FABP12: variants seen among roughly 807,000 people sequenced by gnomAD.
FABP12 encodes the protein fatty acid-binding protein 12.
In FABP12, 19 loss-of-function variants were observed where a neutral mutation model predicts 13.7. The observed-to-expected ratio is 1.39, with a 90% CI of 0.97 to 2.04. The LOEUF is 2.04. FABP12 is among the 30% of genes most tolerant of loss of function. The pLI is 0.00. For missense variants in FABP12, 182 were observed against 164.2 expected, an observed-to-expected ratio of 1.11 and a Z score of -0.59; for synonymous variants, 61 against 57.0, an observed-to-expected ratio of 1.07 and a Z score of -0.32.
intron 2 of FABP12, among the ~76,000 whole-genome samples, chr8:81,539,433 C>CTTTTTTTTTTTTTTTTT (rs35386904): frequency 1.2e-4 from 6 of 50,018 alleles, no homozygotes; most frequent in African/African-American, 4.0e-4. Context: ...TTCTTTAGTT[C>CTTTTTTTTTTTTTTTTT]TTTTTTTTTT....
intron 2 of FABP12, 45 bp downstream of exon 2, chr8:81,531,198 A>G: frequency 1.5e-6 from 2 of 1,336,374 alleles, no homozygotes; most frequent in Non-Finnish European, 2.1e-6. Flanking sequence ...TGCTATCAAA[A>G]TGCCCATTTT....
chr8:81,537,873 CT>C (rs1037582305), upstream of FABP12, among the ~76,000 whole-genome samples: 3 of 152,032 alleles, frequency 2.0e-5, no homozygotes, highest in East Asian at 3.9e-4. Flanking sequence ...CACAGTTCAA[CT>C]TTTTTTTAAT....
intron 1 of FABP12, among the ~76,000 whole-genome samples, chr8:81,557,612 G>A (rs1178460043): frequency 6.6e-6 from 1 of 152,194 alleles, no homozygotes; most frequent in Non-Finnish European, 1.5e-5. Context: ...TATAAGCAGT[G>A]ATTATTTCAG....
intron 1 of FABP12, among the ~76,000 whole-genome samples, chr8:81,555,833 A>G (rs939248434): frequency 1.3e-5 from 2 of 152,232 alleles, no homozygotes; most frequent in African/African-American, 4.8e-5. Context: ...TAGAGACACT[A>G]GAGAAGAAGG....
At chr8:81,528,451 T>G (rs1808967722) in intron 3 of FABP12, among the ~76,000 whole-genome samples, 2 of 152,218 alleles carry the variant, frequency 1.3e-5, no homozygotes, top group African/African-American at 4.8e-5. Flanking sequence ...GTCAAAAATT[T>G]TCTTCCATTT....
intron 1 of FABP12, among the ~76,000 whole-genome samples, chr8:81,577,106 T>C (rs1219496039): frequency 2.0e-5 from 3 of 152,324 alleles, no homozygotes; most frequent in African/African-American, 4.8e-5. Context: ...CTACAATAAA[T>C]AAATACTATA....
At chr8:81,533,685 C>A (rs183231938) in intron 1 of FABP12, among the ~76,000 whole-genome samples, 117 bp downstream of exon 1, 2 of 152,330 alleles carry the variant, frequency 1.3e-5, no homozygotes, top group African/African-American at 4.8e-5. Flanking sequence ...GTTTTTTCTC[C>A]TCCTTTAGCT....
chr8:81,576,440 C>T (rs915339660), intron 1 of FABP12, among the ~76,000 whole-genome samples: 3 of 151,926 alleles, frequency 2.0e-5, no homozygotes, highest in Non-Finnish European at 4.4e-5. Context: ...TATAGGCAAT[C>T]GAAATTTCGA....
At chr8:81,568,090 T>C (rs1809861292) in intron 1 of FABP12, among the ~76,000 whole-genome samples, 1 of 147,604 alleles carries the variant, frequency 6.8e-6, no homozygotes, top group Non-Finnish European at 1.5e-5. Context: ...GCCACTGCAG[T>C]CCGCAGTCCC....
chr8:81,585,661 G>C (rs968428232), intron 1 of FABP12, among the ~76,000 whole-genome samples: 2 of 152,076 alleles, frequency 1.3e-5, no homozygotes, highest in Non-Finnish European at 2.9e-5. Flanking sequence ...TCTGTAAATT[G>C]CTTTGGGTAT....
intron 4 of FABP12, chr8:81,525,921 G>A (rs1221289263): frequency 6.6e-6 from 1 of 152,150 alleles, no homozygotes; most frequent in Non-Finnish European, 1.5e-5. Context: ...TTGAAGGCAA[G>A]GAATCTGAAT....
At chr8:81,586,450 G>A (rs943275173) in intron 1 of FABP12, among the ~76,000 whole-genome samples, 3 of 152,036 alleles carry the variant, frequency 2.0e-5, no homozygotes, top group Admixed American at 1.3e-4. Context: ...ACTAATTTAC[G>A]TTCTAACCAG....
chr8:81,579,336 G>A (rs1261619665), intron 1 of FABP12, among the ~76,000 whole-genome samples: 1 of 152,184 alleles, frequency 6.6e-6, no homozygotes. Flanking sequence ...CCTGACTAAA[G>A]AGGAGATATC....
chr8:81,578,017 T>C (rs1232909547), intron 1 of FABP12, among the ~76,000 whole-genome samples: 1 of 152,160 alleles, frequency 6.6e-6, no homozygotes, highest in Non-Finnish European at 1.5e-5. Context: ...CCATGGAAGG[T>C]TGATTGTGGT....
At chr8:81,565,988 C>A (rs1809812560) in intron 1 of FABP12, among the ~76,000 whole-genome samples, 1 of 152,028 alleles carries the variant, frequency 6.6e-6, no homozygotes, top group South Asian at 2.1e-4. Context: ...GGAAACATTA[C>A]AACTGATACC....
chr8:81,574,788 T>C (rs960197148), intron 1 of FABP12, among the ~76,000 whole-genome samples: 3 of 152,162 alleles, frequency 2.0e-5, no homozygotes, highest in African/African-American at 7.2e-5. Flanking sequence ...GTCGTGTCAG[T>C]CGTAATACCT....
At chr8:81,531,257 T>C (rs1378731358) in exon 2 of FABP12, 7 of 1,606,768 alleles carry the variant, frequency 4.4e-6, no homozygotes, top group Non-Finnish European at 6.0e-6. Context: ...CTCCTTCATG[T>C]AGTCTTCGGA....
At chr8:81,561,793 C>A (rs75040041) in intron 1 of FABP12, among the ~76,000 whole-genome samples, 2,670 of 152,228 alleles carry the variant, frequency 0.018, 59 homozygotes, top group African/African-American at 0.058. Flanking sequence ...GTGTTTGGAA[C>A]CTGAGTTCCA....
exon 5 of FABP12, chr8:81,525,086 G>A: frequency 6.3e-7 from 1 of 1,595,986 alleles, no homozygotes; most frequent in Non-Finnish European, 8.5e-7. Context: ...TTTCTCGTAT[G>A]TTCGTGTACA....
Sources: allele counts gnomAD v4.1 joint callset (sites outside exome capture counted in the v4.1 genomes callset), GRCh38; gene constraint gnomAD v4.1.1; transcripts MANE v1.5; gene names NCBI Gene and HGNC (gene_info 2026-07-23, HGNC 2026-07-21).